Variants in CCDC91 observed in about 807,000 individuals in gnomAD.
The protein encoded by CCDC91 is coiled-coil domain containing 91.
In CCDC91, 48 loss-of-function variants were observed where a neutral mutation model predicts 63.2. The ratio of observed to expected loss-of-function variants is 0.76; its 90% CI spans 0.60 to 0.97. CCDC91 has a LOEUF of 0.97. CCDC91 is among the 50% of genes least tolerant of loss of function. The pLI, the probability that CCDC91 is intolerant of heterozygous loss-of-function variation, is 0.00. For synonymous variants in CCDC91, 167 were observed against 165.8 expected (o/e 1.01, Z -0.06); for missense variants, 500 against 494.6 (o/e 1.01, Z -0.10).
chr12:28,494,251 A>C lies in CCDC91; in HGVS notation c.1215+10086A>C, dbSNP rs1285866011. ...AATTAGGGCCAGGTAGATGTGCTAT[A>C]GTATGGACTAACAAGGAAGCCTCCT... On this transcript the variant is annotated intron_variant, in intron 12 of 12. Coordinates refer to ENST00000536442, the MANE Select transcript of CCDC91 (RefSeq NM_018318.5). 2.0e-5 allele frequency among the ~76,000 whole-genome samples: 3 copies of C among 151,810 alleles called. No homozygotes were observed. In the East Asian group the frequency reaches 5.9e-4, roughly 30 times the overall value.
chr12:28,424,530 A>G (rs7302903), intron 8 of CCDC91, among the ~76,000 whole-genome samples: 17,353 of 151,980 alleles, frequency 0.11, 3,144 homozygotes, highest in African/African-American at 0.38. Context: ...TCTAATTTGC[A>G]TTTGTCATAA....
intron 1 of CCDC91, among the ~76,000 whole-genome samples, chr12:28,194,954 C>T (rs1941628423): frequency 6.6e-6 from 1 of 152,120 alleles, no homozygotes; most frequent in Non-Finnish European, 1.5e-5. Context: ...TAGTGCGGAC[C>T]CAAAGAGTGA....
At chr12:28,541,794 A>G (rs1307346696) in intron 12 of CCDC91, among the ~76,000 whole-genome samples, 1 of 151,936 alleles carries the variant, frequency 6.6e-6, no homozygotes, top group African/African-American at 2.4e-5. Context: ...TTATATTAAG[A>G]TAAGTTAGCC....
chr12:28,505,859 A>C (rs1439753085), intron 12 of CCDC91, among the ~76,000 whole-genome samples: 1 of 152,026 alleles, frequency 6.6e-6, no homozygotes, highest in Non-Finnish European at 1.5e-5. Flanking sequence ...AGTCCTACCA[A>C]GAAGTGCTCC....
At chr12:28,340,306 A>G (rs1254034157) in intron 6 of CCDC91, among the ~76,000 whole-genome samples, 1 of 152,202 alleles carries the variant, frequency 6.6e-6, no homozygotes, top group Non-Finnish European at 1.5e-5. Context: ...AGACAGCTGT[A>G]TTCTCTTATC....
chr12:28,462,939 G>A (rs754225930), intron 11 of CCDC91, among the ~76,000 whole-genome samples: 4 of 152,098 alleles, frequency 2.6e-5, no homozygotes, highest in Non-Finnish European at 4.4e-5. Flanking sequence ...GGAGAAGTAG[G>A]CTTATTAAAC....
chr12:28,456,576 CAT>C (rs1335250864), intron 11 of CCDC91, among the ~76,000 whole-genome samples: 4 of 152,072 alleles, frequency 2.6e-5, no homozygotes, highest in East Asian at 1.9e-4. Context: ...TTTGACAAAA[CAT>C]ATCAAATTAC....
chr12:28,444,837 T>C (rs1387693836), intron 8 of CCDC91, among the ~76,000 whole-genome samples: 1 of 122,668 alleles, frequency 8.2e-6, no homozygotes, highest in Admixed American at 7.9e-5. Context: ...AAAATAAAAG[T>C]TTTTCTTAAA....
At chr12:28,428,171 T>C (rs1311628499) in intron 8 of CCDC91, among the ~76,000 whole-genome samples, 1 of 152,212 alleles carries the variant, frequency 6.6e-6, no homozygotes, top group African/African-American at 2.4e-5. Flanking sequence ...GTGTTCACTG[T>C]GTGCCCTCAT....
intron 1 of CCDC91, among the ~76,000 whole-genome samples, chr12:28,205,144 G>A (rs1211660275): frequency 6.6e-6 from 1 of 152,050 alleles, no homozygotes; most frequent in African/African-American, 2.4e-5. Context: ...CTCATAGGAT[G>A]TCAGTTTTGT....
chr12:28,195,051 G>T lies in CCDC91; in HGVS notation c.-15+4410G>T, dbSNP rs1266077982. Among the ~76,000 whole-genome samples, 4 of 146,836 alleles carry T rather than the reference G, an allele frequency of 2.7e-5. No individual in the cohort carries two copies. The South Asian group carries it at 8.7e-4, about 32-fold the overall frequency. On this transcript the variant is annotated intron_variant, in intron 1 of 12. Coordinates refer to ENST00000536442, the MANE Select transcript of CCDC91 (RefSeq NM_018318.5). Reference sequence around the variant, plus strand: ...CCGAAGGGGTTGCTGCTGCTGGCTCGGGTGGCCTGCTTTTATTCCCTTATT... The same window carrying T: ...CCGAAGGGGTTGCTGCTGCTGGCTCTGGTGGCCTGCTTTTATTCCCTTATT...
In CCDC91 at chr12:28,343,690, A is replaced by C. The variant is rs371957920; in HGVS notation, c.577-18748A>C. On this transcript the variant is annotated intron_variant, in intron 6 of 12. Transcript: ENST00000536442. ...TTCTGGTTCTATAATTATACAACTA[A>C]ATTTATGTAACTGGTTTGATAGCAA... Among the ~76,000 whole-genome samples, 23 of 152,240 alleles carry C rather than the reference A, an allele frequency of 1.5e-4. No homozygotes were observed. The South Asian group carries it at 4.6e-3, about 30-fold the overall frequency.
chr12:28,499,470 T>C (rs1174257119), intron 12 of CCDC91, among the ~76,000 whole-genome samples: 1 of 151,830 alleles, frequency 6.6e-6, no homozygotes, highest in Non-Finnish European at 1.5e-5. Flanking sequence ...ACCTGTCATC[T>C]ATATTAGGTA....
chr12:28,510,237 A>ATGTGTGTGTG (rs60548491), intron 12 of CCDC91, among the ~76,000 whole-genome samples: 3,669 of 149,118 alleles, frequency 0.025, 90 homozygotes, highest in African/African-American at 0.058. Context: ...TCAATAGGGC[A>ATGTGTGTGTG]TGTGTGTGTG....
chr12:28,307,046 T>C (rs532456844), intron 5 of CCDC91, 101 bp downstream of exon 5: 2 of 777,266 alleles, frequency 2.6e-6, no homozygotes, highest in South Asian at 3.7e-5. Context: ...AGAAGATACT[T>C]TTCTCCCTTG....
At chr12:28,547,955 G>A (rs978026743) in intron 12 of CCDC91, among the ~76,000 whole-genome samples, 2 of 151,998 alleles carry the variant, frequency 1.3e-5, no homozygotes, top group African/African-American at 4.8e-5. Flanking sequence ...ATTATGAAAT[G>A]GAATTTATTT....
chr12:28,474,396 CT>C (rs1181663363), intron 11 of CCDC91, among the ~76,000 whole-genome samples: 1 of 151,996 alleles, frequency 6.6e-6, no homozygotes, highest in Admixed American at 6.6e-5. Flanking sequence ...AAAATATTCT[CT>C]TTTTTTCAAC....
At chr12:28,192,828 A>G (rs548015692) in intron 1 of CCDC91, among the ~76,000 whole-genome samples, 42 of 152,306 alleles carry the variant, frequency 2.8e-4, no homozygotes, top group African/African-American at 9.6e-4. Context: ...TTGCTGTATA[A>G]AGTCTGACAA....
intron 6 of CCDC91, among the ~76,000 whole-genome samples, chr12:28,314,957 A>G (rs541524453): frequency 2.0e-5 from 3 of 152,024 alleles, no homozygotes; most frequent in Non-Finnish European, 4.4e-5. Context: ...GAATTATTCA[A>G]TCCATAGGTT....
Sources: allele counts gnomAD v4.1 joint callset (sites outside exome capture counted in the v4.1 genomes callset), GRCh38; gene constraint gnomAD v4.1.1; transcripts MANE v1.5; gene names NCBI Gene and HGNC (gene_info 2026-07-23, HGNC 2026-07-21).